CTNNA2: variants seen among roughly 807,000 people sequenced by gnomAD.
The protein encoded by CTNNA2 is catenin alpha-2.
CTNNA2 carries 42 observed loss-of-function variants against 101.0 expected under a neutral mutation model. The observed-to-expected ratio is 0.42, with a 90% CI of 0.32 to 0.54. CTNNA2 has a LOEUF of 0.54. Among genes scored for constraint, CTNNA2 ranks in the 20% least tolerant of loss-of-function variants. CTNNA2 has a pLI of 0.14. For missense variants in CTNNA2, 871 were observed against 1,223.1 expected (o/e 0.71, Z 4.29); for synonymous variants, 450 against 456.4 (o/e 0.99, Z 0.18).
rs1367397 is a variant in CTNNA2, at chr2:79,520,380, A to G, written c.-6+7173A>G. 9.9e-3 allele frequency among the ~76,000 whole-genome samples: 1,512 copies of G among 152,290 alleles called. 26 individuals carry two copies. The highest frequency in any genetic ancestry group is 0.047 in the East Asian group (243 of 5,164). ...ATTGAGCATAATGTTTGTGGGATCAATCTATGATTTTGAGTACATAAACTT... is the reference window on the plus strand; with the variant it reads ...ATTGAGCATAATGTTTGTGGGATCAGTCTATGATTTTGAGTACATAAACTT... On this transcript the variant is annotated intron_variant, in intron 1 of 18. Coordinates refer to ENST00000402739, the MANE Select transcript of CTNNA2 (RefSeq NM_001282597.3).
At chr2:80,228,542 C>T (rs551126218) in intron 7 of CTNNA2, among the ~76,000 whole-genome samples, 2 of 152,128 alleles carry the variant, frequency 1.3e-5, no homozygotes, top group Non-Finnish European at 2.9e-5. Context: ...TAGCAGCTAT[C>T]GTATCTCATA....
chr2:80,283,901 G>A (rs549286877), intron 7 of CTNNA2, among the ~76,000 whole-genome samples: 1 of 152,160 alleles, frequency 6.6e-6, no homozygotes, highest in South Asian at 2.1e-4. Context: ...AGAAGGAGGA[G>A]GGAAAGAAAA....
intron 9 of CTNNA2, among the ~76,000 whole-genome samples, chr2:80,520,454 A>C (rs1232618050): frequency 6.6e-6 from 1 of 152,142 alleles, no homozygotes. Context: ...AAAATAGCAT[A>C]CACTGGAAGT....
chr2:79,436,156 A>T (rs1371762239), intron 4 of CTNNA2, among the ~76,000 whole-genome samples: 5 of 152,188 alleles, frequency 3.3e-5, no homozygotes, highest in African/African-American at 7.2e-5. Context: ...CTGATCACGG[A>T]TATGAAAAAT....
chr2:79,323,402 A>G (rs1466270687), intron 3 of CTNNA2, among the ~76,000 whole-genome samples: 1 of 152,194 alleles, frequency 6.6e-6, no homozygotes, highest in Non-Finnish European at 1.5e-5. Flanking sequence ...CGTAACTTGC[A>G]CAAGGTTATG....
intron 2 of CTNNA2, among the ~76,000 whole-genome samples, chr2:79,735,128 C>T (rs912952336): frequency 6.6e-6 from 1 of 151,676 alleles, no homozygotes; most frequent in Non-Finnish European, 1.5e-5. Flanking sequence ...AAATGTTTCT[C>T]TCATGTAAGC....
intron 1 of CTNNA2, among the ~76,000 whole-genome samples, chr2:79,611,424 T>G (rs1678264654): frequency 6.6e-6 from 1 of 152,062 alleles, no homozygotes; most frequent in African/African-American, 2.4e-5. Context: ...TTTCGTACAA[T>G]GAAAAAGAGA....
chr2:80,112,457 C>G (rs1459373956), intron 7 of CTNNA2, among the ~76,000 whole-genome samples: 4 of 152,086 alleles, frequency 2.6e-5, no homozygotes, highest in African/African-American at 7.2e-5. Context: ...TATAATTTGT[C>G]TAGGTTGGTC....
At chr2:80,446,913 A>T (rs1266197898) in intron 9 of CTNNA2, among the ~76,000 whole-genome samples, 1 of 152,122 alleles carries the variant, frequency 6.6e-6, no homozygotes, top group Non-Finnish European at 1.5e-5. Context: ...GAGGAAAAAG[A>T]TGGATTTTGC....
chr2:79,633,988 A>G (rs1360533859), intron 1 of CTNNA2: 1 of 152,254 alleles, frequency 6.6e-6, no homozygotes, highest in African/African-American at 2.4e-5. Context: ...TAATTTGCTG[A>G]AAAGCATTTT....
At chr2:79,541,512 G>A (rs1673420478) in intron 1 of CTNNA2, among the ~76,000 whole-genome samples, 1 of 150,946 alleles carries the variant, frequency 6.6e-6, no homozygotes, top group African/African-American at 2.4e-5. Context: ...GCTACAGAGT[G>A]AAATATTTGC....
intron 6 of CTNNA2, among the ~76,000 whole-genome samples, chr2:79,886,412 G>A (rs1053132572): frequency 6.6e-6 from 1 of 151,970 alleles, no homozygotes. Context: ...CTTGCAAGTG[G>A]CTGGGCTTCA....
intron 7 of CTNNA2, among the ~76,000 whole-genome samples, chr2:80,065,143 A>G (rs1191149315): frequency 6.6e-6 from 1 of 152,146 alleles, no homozygotes; most frequent in Admixed American, 6.5e-5. Context: ...AGTATTGAAT[A>G]GACCCATGGA....
In CTNNA2 at chr2:80,537,820, C is replaced by G. The variant is rs773098496; in HGVS notation, c.1291-7162C>G. 3.9e-5 allele frequency among the ~76,000 whole-genome samples: 6 copies of G among 152,048 alleles called. No homozygotes were observed. In the East Asian group the frequency reaches 9.7e-4, roughly 25 times the overall value. On this transcript the variant is annotated intron_variant, in intron 9 of 18. Transcript: ENST00000402739. ...GTTGGTCAGGCTGTTCTCGAACTCC[C>G]GACCTCAGATAATCCACTCAACTCG... is the stretch of plus-strand genomic sequence containing the variant.
At chr2:79,717,903 AC>A (rs1367371342) in intron 2 of CTNNA2, among the ~76,000 whole-genome samples, 1 of 151,994 alleles carries the variant, frequency 6.6e-6, no homozygotes, top group Non-Finnish European at 1.5e-5. Flanking sequence ...CCACTGGGGG[AC>A]CTAAGTCAGC....
intron 9 of CTNNA2, among the ~76,000 whole-genome samples, chr2:80,517,631 CAAGG>C (rs1228309224): frequency 6.6e-6 from 1 of 152,090 alleles, no homozygotes; most frequent in Non-Finnish European, 1.5e-5. Context: ...TGGGTGATGT[CAAGG>C]AAGTGTTCAT....
chr2:79,869,876 T>A lies in CTNNA2; in HGVS notation c.526T>A (p.Phe176Ile). 6.2e-7 allele frequency: 1 copy of A among 1,614,084 alleles called. No homozygotes were observed. The highest frequency in any genetic ancestry group is 8.5e-7 in the Non-Finnish European group (1 of 1,180,010). Residue 176 changes from phenylalanine to isoleucine, a missense_variant, in exon 5 of 19, where the codon TTT (phenylalanine) becomes ATT (isoleucine). This residue lies in a region of CTNNA2 where 647 missense variants were observed against 831.5 expected (regional missense o/e 0.78). Transcript: ENST00000402739. The stretch of plus-strand genomic sequence containing the variant: ...AAATGAGCAAGACCTTGCAAACCGT[T>A]TTAAAGAGTTTGGGAAAGAGATGGT... Reference protein sequence around the residue: ...ATNEQDLANRFKEFGKEMVKL... With the variant: ...ATNEQDLANRIKEFGKEMVKL...
chr2:80,201,604 T>C (rs1407154368), intron 7 of CTNNA2, among the ~76,000 whole-genome samples: 7 of 152,028 alleles, frequency 4.6e-5, no homozygotes, highest in African/African-American at 1.7e-4. Flanking sequence ...CTCGATCTCC[T>C]GACCTCGTAA....
At chr2:79,940,416 T>A (rs1476109693) in intron 7 of CTNNA2, among the ~76,000 whole-genome samples, 2 of 152,226 alleles carry the variant, frequency 1.3e-5, no homozygotes, top group African/African-American at 4.8e-5. Context: ...ACCGATTTGA[T>A]CTTTGGCATT....
Sources: allele counts gnomAD v4.1 joint callset (sites outside exome capture counted in the v4.1 genomes callset), GRCh38; gene constraint gnomAD v4.1.1; regional missense constraint gnomAD v4.1.1; transcripts MANE v1.5; gene names NCBI Gene and HGNC (gene_info 2026-07-23, HGNC 2026-07-21).